Variants in ITPRID1 observed in about 807,000 individuals in gnomAD.
The protein encoded by ITPRID1 is ITPR interacting domain containing 1, also known as protein ITPRID1.
ITPRID1 carries 96 observed loss-of-function variants against 95.4 expected under a neutral mutation model. The ratio of observed to expected loss-of-function variants is 1.01; its 90% confidence interval spans 0.85 to 1.19. ITPRID1 has a LOEUF of 1.19. Among genes scored for constraint, ITPRID1 ranks in the 50% most tolerant of loss-of-function variants. The pLI, the probability that ITPRID1 is intolerant of heterozygous loss-of-function variation, is 0.00. For synonymous variants in ITPRID1, 510 were observed against 453.6 expected (o/e 1.12, Z -1.58); for missense variants, 1,339 against 1,252.9 (o/e 1.07, Z -1.04).
intron 5 of ITPRID1, among the ~76,000 whole-genome samples, chr7:31,557,149 A>G (rs1784475251): frequency 6.6e-6 from 1 of 151,962 alleles, no homozygotes; most frequent in African/African-American, 2.4e-5. Context: ...ACAATCCACA[A>G]AGACCCTATT....
chr7:31,628,396 C>T (rs1239095322), intron 10 of ITPRID1, among the ~76,000 whole-genome samples: 4 of 152,080 alleles, frequency 2.6e-5, no homozygotes, highest in African/African-American at 4.8e-5. Flanking sequence ...AGCCAGGAAT[C>T]CCACATCTGT....
chr7:31,585,280 A>G (rs1785547582), intron 10 of ITPRID1, among the ~76,000 whole-genome samples: 1 of 152,184 alleles, frequency 6.6e-6, no homozygotes, highest in Non-Finnish European at 1.5e-5. Flanking sequence ...AACCAGTAGT[A>G]AGACTGTATT....
chr7:31,630,854 A>G (rs1177928774), intron 10 of ITPRID1, among the ~76,000 whole-genome samples: 1 of 152,142 alleles, frequency 6.6e-6, no homozygotes, highest in African/African-American at 2.4e-5. Context: ...AAAAGAAAAC[A>G]GGAATTACAA....
At chr7:31,613,344 T>C (rs933436669) in intron 10 of ITPRID1, among the ~76,000 whole-genome samples, 4 of 152,174 alleles carry the variant, frequency 2.6e-5, no homozygotes, top group Non-Finnish European at 4.4e-5. Context: ...TCTAGGGTTT[T>C]GAAAAAGTTA....
intron 1 of ITPRID1, among the ~76,000 whole-genome samples, chr7:31,520,195 A>C (rs962885896): frequency 6.6e-6 from 1 of 152,072 alleles, no homozygotes; most frequent in Non-Finnish European, 1.5e-5. Context: ...GAGACCACAA[A>C]GGTAAAATAG....
Position 31,642,998 on chromosome 7 carries a change from T to C in ITPRID1, c.1628T>C (p.Leu543Pro), listed in dbSNP as rs1364507961. Residue 543 changes from leucine (L) to proline (P), a missense_variant, in exon 12 of 15, where the codon CTT becomes CCT. Transcript: ENST00000615280. The stretch of plus-strand genomic sequence containing the variant: ...AGGAAAGACAGCCATCTGTGGCAGC[T>C]TCTGCCAATGCCCCATGCTGAGTAT... Reference protein sequence around the residue: ...CPRKDSHLWQLLPMPHAEYEV... With the variant: ...CPRKDSHLWQPLPMPHAEYEV... 3.7e-6 allele frequency: 6 copies of C among 1,613,998 alleles called. No homozygotes were observed. The highest frequency in any genetic ancestry group is 5.1e-6 in the Non-Finnish European group (6 of 1,179,868).
intron 10 of ITPRID1, among the ~76,000 whole-genome samples, chr7:31,600,125 T>A (rs1786331044): frequency 6.6e-6 from 1 of 152,200 alleles, no homozygotes; most frequent in Non-Finnish European, 1.5e-5. Flanking sequence ...AATGAAGCAA[T>A]TTTCAACCTC....
chr7:31,570,601 T>C (rs1046380916), intron 6 of ITPRID1, among the ~76,000 whole-genome samples: 11 of 152,196 alleles, frequency 7.2e-5, no homozygotes, highest in Non-Finnish European at 1.5e-4. Flanking sequence ...TCCTGCAGGA[T>C]TGGTTGTTTT....
intron 12 of ITPRID1, among the ~76,000 whole-genome samples, chr7:31,649,401 C>T (rs1054589086): frequency 6.7e-6 from 1 of 149,588 alleles, no homozygotes; most frequent in Admixed American, 6.7e-5. Flanking sequence ...AAACAGCCAG[C>T]CTGCAAGATC....
intron 10 of ITPRID1, among the ~76,000 whole-genome samples, chr7:31,588,671 A>T (rs1205583359): frequency 2.0e-5 from 3 of 147,182 alleles, no homozygotes; most frequent in Admixed American, 1.4e-4. Context: ...AAAAAAAATC[A>T]GAATATAAAA....
chr7:31,651,952 C>T lies in ITPRID1; in HGVS notation c.2725C>T (p.Gln909Ter). Residue 909 changes from glutamine to a stop codon, truncating the protein, a stop_gained, in exon 14 of 15, where the codon CAA (glutamine) becomes TAA (stop). Coordinates refer to ENST00000615280, the MANE Select transcript of ITPRID1 (RefSeq NM_001257967.3). LOFTEE classifies it high-confidence loss of function. ...MSEEEREEAE[Q>*]LQTLREALRQ... ...ATTTACTTGCAGGGAGGAGGCCGAGCAACTGCAAACGTTACGTGAGGCCCT... is the reference window on the plus strand; with the variant it reads ...ATTTACTTGCAGGGAGGAGGCCGAGTAACTGCAAACGTTACGTGAGGCCCT... 1 of 1,596,844 alleles carries T rather than the reference C, an allele frequency of 6.3e-7. No homozygotes were observed. Among genetic ancestry groups the T allele is most frequent in the South Asian group, 1.1e-5 (1 of 87,630 alleles).
chr7:31,539,816 G>C (rs1457198987), intron 1 of ITPRID1, among the ~76,000 whole-genome samples: 1 of 152,010 alleles, frequency 6.6e-6, no homozygotes, highest in Non-Finnish European at 1.5e-5. Flanking sequence ...TGAAGCACTG[G>C]AATGTCTCTG....
chr7:31,568,549 C>T (rs1178865856), intron 5 of ITPRID1, among the ~76,000 whole-genome samples: 2 of 152,190 alleles, frequency 1.3e-5, no homozygotes, highest in Non-Finnish European at 2.9e-5. Flanking sequence ...AATAAGAACA[C>T]TGGTGAACCT....
At chr7:31,570,339 C>A (rs938188422) in intron 6 of ITPRID1, among the ~76,000 whole-genome samples, 2 of 152,148 alleles carry the variant, frequency 1.3e-5, no homozygotes, top group Admixed American at 1.3e-4. Flanking sequence ...ACCTACTGAA[C>A]CAGATCATTT....
intron 10 of ITPRID1, among the ~76,000 whole-genome samples, chr7:31,623,532 A>G (rs1285076044): frequency 2.0e-5 from 3 of 151,852 alleles, no homozygotes; most frequent in Non-Finnish European, 4.4e-5. Flanking sequence ...GATGCAGAAA[A>G]GGCCTTTGAC....
chr7:31,556,519 A>C (rs1784450896), intron 5 of ITPRID1, among the ~76,000 whole-genome samples: 1 of 152,010 alleles, frequency 6.6e-6, no homozygotes, highest in Admixed American at 6.6e-5. Context: ...CCTTCTATTA[A>C]TATCAGCCCC....
At chr7:31,550,666 G>A (rs896418634) in intron 2 of ITPRID1, among the ~76,000 whole-genome samples, 67 of 102,780 alleles carry the variant, frequency 6.5e-4, no homozygotes, top group African/African-American at 1.8e-3. Flanking sequence ...GAACAAAAGA[G>A]GTTTTCTTTA....
Position 31,655,951 on chromosome 7 carries a change from G to T in ITPRID1, c.*3122G>T. On this transcript the variant is annotated 3_prime_UTR_variant, in exon 15 of 15. Coordinates refer to ENST00000615280, the MANE Select transcript of ITPRID1 (RefSeq NM_001257967.3). ...AGTCTCATTTCCTGCTCATCCCTCA[G>T]ATGAATCTCCAATTCTATTCCCCTA... is the stretch of plus-strand genomic sequence containing the variant. 1 of 985,358 alleles carries T rather than the reference G, an allele frequency of 1.0e-6. No homozygotes were observed. 61.0% of individuals were successfully genotyped at this position (985,358 alleles called of 1,614,324 possible).
chr7:31,530,166 A>C (rs537145730), intron 1 of ITPRID1, among the ~76,000 whole-genome samples: 16 of 152,310 alleles, frequency 1.1e-4, no homozygotes, highest in African/African-American at 3.8e-4. Flanking sequence ...TGTTCTGAAT[A>C]CTAGTTCAAG....
Sources: gnomAD v4.1 joint callset for allele counts (sites outside exome capture counted in the v4.1 genomes callset) on GRCh38, gnomAD v4.1.1 for gene constraint, MANE v1.5 for transcripts, NCBI Gene and HGNC (gene_info 2026-07-23, HGNC 2026-07-21) for gene names.